Variants in GALNT13 observed in about 807,000 individuals in gnomAD.
GALNT13 encodes the protein UDP-GalNAc:polypeptide N-acetylgalactosaminyltransferase 13.
GALNT13 carries 28 observed loss-of-function variants against 64.2 expected under a neutral mutation model. The ratio of observed to expected loss-of-function variants is 0.44; its 90% CI spans 0.32 to 0.60. GALNT13 has a LOEUF of 0.60. Ranked by LOEUF, GALNT13 falls within the 20% of genes least tolerant of loss-of-function variation. GALNT13 has a pLI of 0.05. For missense variants in GALNT13, 577 were observed against 669.8 expected (o/e 0.86, Z 1.53); for synonymous variants, 214 against 224.6 (o/e 0.95, Z 0.42).
the GALNT13 span, among the ~76,000 whole-genome samples, chr2:153,472,419 T>A: frequency 1.3e-5 from 2 of 152,274 alleles, no homozygotes; most frequent in East Asian, 3.9e-4. Context: ...GTATATACCT[T>A]CCCTTACATG....
At chr2:154,071,401 T>A (rs1440729749) in intron 3 of GALNT13, among the ~76,000 whole-genome samples, 1 of 152,154 alleles carries the variant, frequency 6.6e-6, no homozygotes, top group African/African-American at 2.4e-5. Flanking sequence ...TAATATAGGG[T>A]CACATGACCT....
At chr2:153,311,148 G>A in the GALNT13 span, among the ~76,000 whole-genome samples, 1 of 152,096 alleles carries the variant, frequency 6.6e-6, no homozygotes, top group Non-Finnish European at 1.5e-5. Flanking sequence ...AAGAGCAAAG[G>A]TAAAGAAAAG....
chr2:154,310,978 A>ATAGAATATTCTAAGAATATATATTCT (rs754046355), intron 9 of GALNT13, among the ~76,000 whole-genome samples: 9,093 of 151,332 alleles, frequency 0.06, 331 homozygotes, highest in African/African-American at 0.083. Context: ...ATATATATTC[A>ATAGAATATTCTAAGAATATATATTCT]TAGAATATTC....
chr2:154,258,149 T>C (rs1259067715), intron 7 of GALNT13, among the ~76,000 whole-genome samples: 3 of 152,184 alleles, frequency 2.0e-5, no homozygotes, highest in Admixed American at 6.5e-5. Flanking sequence ...TACAATCTTC[T>C]TTTTAACCTT....
the GALNT13 span, among the ~76,000 whole-genome samples, chr2:153,434,743 A>G: frequency 2.0e-5 from 3 of 152,044 alleles, no homozygotes; most frequent in East Asian, 1.9e-4. Flanking sequence ...TTTGTCAGAT[A>G]AGTAGGTTGC....
intron 4 of GALNT13, among the ~76,000 whole-genome samples, chr2:154,196,254 G>T (rs182203027): frequency 8.6e-5 from 13 of 150,922 alleles, no homozygotes; most frequent in Non-Finnish European, 1.5e-4. Flanking sequence ...CATGAATTAC[G>T]TGTGAGAATT....
the GALNT13 span, among the ~76,000 whole-genome samples, chr2:153,632,528 A>G: frequency 6.6e-6 from 1 of 151,800 alleles, no homozygotes; most frequent in Admixed American, 6.6e-5. Flanking sequence ...ATCCTTCCCA[A>G]ACTCCACCCC....
intron 1 of GALNT13, among the ~76,000 whole-genome samples, chr2:153,896,472 A>G (rs1687904006): frequency 1.3e-5 from 2 of 151,952 alleles, no homozygotes; most frequent in Non-Finnish European, 2.9e-5. Flanking sequence ...ATACATAAAC[A>G]CTAAATGATA....
At chr2:153,688,176 G>T in the GALNT13 span, among the ~76,000 whole-genome samples, 2 of 151,760 alleles carry the variant, frequency 1.3e-5, no homozygotes, top group Admixed American at 1.3e-4. Flanking sequence ...ATTCATTTAC[G>T]TATGGTCGAT....
chr2:154,395,359 A>C (rs986683677), intron 9 of GALNT13, among the ~76,000 whole-genome samples: 1 of 152,038 alleles, frequency 6.6e-6, no homozygotes, highest in East Asian at 1.9e-4. Context: ...AAAATTAATC[A>C]TTTTTCATAT....
At chr2:153,517,191 C>T in the GALNT13 span, among the ~76,000 whole-genome samples, 1 of 152,138 alleles carries the variant, frequency 6.6e-6, no homozygotes, top group Admixed American at 6.6e-5. Context: ...AGTACATATA[C>T]TCTCCCTGCC....
chr2:153,768,040 A>G, the GALNT13 span, among the ~76,000 whole-genome samples: 1 of 152,280 alleles, frequency 6.6e-6, no homozygotes, highest in East Asian at 1.9e-4. Context: ...AATGTCCAGA[A>G]GAGTTTTTCC....
At chr2:154,095,518 G>A (rs1432830029) in intron 3 of GALNT13, among the ~76,000 whole-genome samples, 1 of 151,834 alleles carries the variant, frequency 6.6e-6, no homozygotes, top group Non-Finnish European at 1.5e-5. Context: ...CCAATAACAA[G>A]CTAACGTTCA....
the GALNT13 span, among the ~76,000 whole-genome samples, chr2:153,780,315 T>C: frequency 6.7e-6 from 1 of 148,666 alleles, no homozygotes; most frequent in South Asian, 2.1e-4. Context: ...TAATTCCTCC[T>C]AAGCCTCCGT....
the GALNT13 span, among the ~76,000 whole-genome samples, chr2:153,326,197 C>A: frequency 6.6e-6 from 1 of 152,024 alleles, no homozygotes; most frequent in African/African-American, 2.4e-5. Context: ...ATAGTTAGTT[C>A]TTCTTGTTGC....
At chr2:153,615,457 C>T in the GALNT13 span, among the ~76,000 whole-genome samples, 1 of 152,004 alleles carries the variant, frequency 6.6e-6, no homozygotes, top group Non-Finnish European at 1.5e-5. Context: ...TCAAACTGCT[C>T]TCTATAGAAG....
the GALNT13 span, among the ~76,000 whole-genome samples, chr2:153,377,641 A>G: frequency 1.4e-4 from 21 of 152,330 alleles, no homozygotes; most frequent in African/African-American, 5.1e-4. Context: ...CCTCACCAGA[A>G]GATAACCAGA....
At chr2:153,395,354 T>C in the GALNT13 span, among the ~76,000 whole-genome samples, 1 of 152,114 alleles carries the variant, frequency 6.6e-6, no homozygotes, top group Non-Finnish European at 1.5e-5. Flanking sequence ...TTGTACAGAA[T>C]AGATAGGGGA....
At chr2:154,352,503 G>T (rs910195963) in intron 9 of GALNT13, among the ~76,000 whole-genome samples, 1 of 152,330 alleles carries the variant, frequency 6.6e-6, no homozygotes, top group South Asian at 2.1e-4. Flanking sequence ...CACAGCCAAT[G>T]AGGTAGGTAC....
Sources: allele counts gnomAD v4.1 joint callset (sites outside exome capture counted in the v4.1 genomes callset), GRCh38; gene constraint gnomAD v4.1.1; transcripts MANE v1.5; gene names NCBI Gene and HGNC (gene_info 2026-07-23, HGNC 2026-07-21).